Variants in ZBTB16 observed in about 807,000 individuals in gnomAD.
The protein encoded by ZBTB16 is zinc finger and BTB domain containing 16.
ZBTB16 carries 8 observed loss-of-function variants against 56.8 expected under a neutral mutation model. The ratio of observed to expected loss-of-function variants is 0.14; its 90% CI spans 0.08 to 0.25. ZBTB16 has a LOEUF of 0.25. ZBTB16 is among the 10% of genes least tolerant of loss of function. The pLI, the probability that ZBTB16 is intolerant of heterozygous loss-of-function variation, is 1.00. For synonymous variants in ZBTB16, 363 were observed against 368.5 expected (o/e 0.98, Z 0.17); for missense variants, 625 against 903.0 (o/e 0.69, Z 3.95).
chr11:114,145,419 C>G (rs952172980), intron 2 of ZBTB16, among the ~76,000 whole-genome samples: 1 of 152,208 alleles, frequency 6.6e-6, no homozygotes, highest in Non-Finnish European at 1.5e-5. Flanking sequence ...AACCAAATGT[C>G]CATCAGCTGA....
At position 114,247,179 on chromosome 11, in the gene ZBTB16, C is replaced by T; in HGVS notation, c.1625-19C>T. ...GGCAGGGAGAGGCAAAGGCCTGATCCAGCCCCTTGTCTCCACAGGCGACCA... is the reference window on the plus strand; with the variant it reads ...GGCAGGGAGAGGCAAAGGCCTGATCTAGCCCCTTGTCTCCACAGGCGACCA... On this transcript the variant is annotated intron_variant, in intron 5 of 6. Coordinates refer to ENST00000335953, the MANE Select transcript of ZBTB16 (RefSeq NM_006006.6). 1 of 1,614,248 alleles carries T rather than the reference C, an allele frequency of 6.2e-7. No individual in the cohort carries two copies. The highest frequency in any genetic ancestry group is 1.3e-5 in the African/African-American group (1 of 75,070).
At chr11:114,173,088 A>G (rs1943012718) in intron 3 of ZBTB16, among the ~76,000 whole-genome samples, 1 of 152,192 alleles carries the variant, frequency 6.6e-6, no homozygotes, top group South Asian at 2.1e-4. Context: ...AGCCTGAGCC[A>G]CAATTAAGGT....
At chr11:114,110,225 C>A (rs575185935) in intron 2 of ZBTB16, among the ~76,000 whole-genome samples, 1 of 152,126 alleles carries the variant, frequency 6.6e-6, no homozygotes, top group Admixed American at 6.5e-5. Flanking sequence ...CTCAGACTTT[C>A]TTGGAGATGT....
At chr11:114,066,563 T>C (rs1939125608) in intron 2 of ZBTB16, among the ~76,000 whole-genome samples, 1 of 152,140 alleles carries the variant, frequency 6.6e-6, no homozygotes, top group African/African-American at 2.4e-5. Flanking sequence ...TCCTGGTTGC[T>C]TTTCTTTACC....
rs570528187 is a variant in ZBTB16, at chr11:114,060,206, C to A, written c.-91+324C>A. On this transcript the variant is annotated intron_variant, in intron 1 of 6. Transcript: ENST00000335953. The surrounding 1 kb of genome is among the most constrained non-coding windows in gnomAD (Gnocchi z 6.0). Reference sequence around the variant, plus strand: ...GGCGTGAGCAGAGGGGTCGGGGATCCGGAGGCTTTGTACCGCCAGGGGCTG... The same window carrying A: ...GGCGTGAGCAGAGGGGTCGGGGATCAGGAGGCTTTGTACCGCCAGGGGCTG... 87 of 164,514 alleles carry A rather than the reference C, an allele frequency of 5.3e-4. No individual in the cohort carries two copies. Among genetic ancestry groups the A allele is most frequent in the Non-Finnish European group, 9.5e-4 (73 of 76,530 alleles). 10.2% of individuals were successfully genotyped at this position (164,514 alleles called of 1,614,324 possible).
At chr11:114,123,144 T>C (rs1245118468) in intron 2 of ZBTB16, among the ~76,000 whole-genome samples, 1 of 152,196 alleles carries the variant, frequency 6.6e-6, no homozygotes, top group African/African-American at 2.4e-5. Flanking sequence ...GGACCGCATT[T>C]AACCTTAATT....
Position 114,243,853 on chromosome 11 carries a change from C to G in ZBTB16, c.1624+1516C>G, listed in dbSNP as rs185105222. 4.8e-4 allele frequency among the ~76,000 whole-genome samples: 73 copies of G among 152,332 alleles called. 1 individual carries two copies. Among genetic ancestry groups the G allele is most frequent in the African/African-American group, 1.7e-3 (72 of 41,582 alleles). ...AAATCCACCCAGGATGTGCCCTGCT[C>G]TGACCATGCCACCTTCTCAGAGCTC... On this transcript the variant is annotated intron_variant, in intron 5 of 6. Coordinates refer to ENST00000335953, the MANE Select transcript of ZBTB16 (RefSeq NM_006006.6).
At chr11:114,173,401 G>T (rs1367109498) in intron 3 of ZBTB16, among the ~76,000 whole-genome samples, 2 of 152,206 alleles carry the variant, frequency 1.3e-5, no homozygotes, top group African/African-American at 4.8e-5. Flanking sequence ...GATGGGGATG[G>T]TGGGTGTTGT....
intron 3 of ZBTB16, among the ~76,000 whole-genome samples, chr11:114,167,216 GTTTTTTTTTTTTTTGGTTTTTTTTT>G (rs1360616824): frequency 2.5e-5 from 2 of 79,940 alleles, no homozygotes; most frequent in African/African-American, 4.4e-5. Flanking sequence ...TGGATTTGTG[GTTTTTTTTTTTTTTGGTTTTTTTTT>G]TTTTTTTTTT....
chr11:114,221,119 A>G (rs421535), intron 4 of ZBTB16, among the ~76,000 whole-genome samples: 57,318 of 152,144 alleles, frequency 0.38, 11,278 homozygotes, highest in Middle Eastern at 0.52. Context: ...AGGCTGTGCT[A>G]GTTCCTTTTC....
At chr11:114,240,988 T>C (rs1000310072) in intron 4 of ZBTB16, among the ~76,000 whole-genome samples, 14 of 152,180 alleles carry the variant, frequency 9.2e-5, no homozygotes, top group African/African-American at 3.1e-4. Flanking sequence ...CATTCCTCTG[T>C]CTGATCCTCC....
intron 4 of ZBTB16, 119 bp downstream of exon 4, chr11:114,187,157 G>A (rs550470248): frequency 6.7e-5 from 65 of 970,964 alleles, no homozygotes; most frequent in South Asian, 2.3e-4. Context: ...TTTCCTGGGC[G>A]AGCTGTGAGT....
At chr11:114,124,461 T>G (rs1277885122) in intron 2 of ZBTB16, among the ~76,000 whole-genome samples, 2 of 149,440 alleles carry the variant, frequency 1.3e-5, no homozygotes, top group African/African-American at 4.9e-5. Context: ...AGAATTGAGG[T>G]GTTCTGGAAT....
chr11:114,177,904 A>C (rs529369363), intron 3 of ZBTB16, among the ~76,000 whole-genome samples: 26 of 152,304 alleles, frequency 1.7e-4, no homozygotes, highest in African/African-American at 6.0e-4. Context: ...ATCTGCAACA[A>C]ATTTACTATC....
rs1943384330 is a variant in ZBTB16 at position 114,187,327 on chromosome 11, A to G, written c.1453+289A>G. 6.0e-6 allele frequency: 3 copies of G among 503,344 alleles called. No individual in the cohort carries two copies. The Admixed American group carries it at 9.7e-5, about 16-fold the overall frequency. The allele number at this position is 503,344 out of a possible 1,614,324, so 31.2% of individuals were successfully genotyped here. A position where few individuals can be genotyped will look rare whatever the true frequency, so the allele number is the denominator to read the frequency against. ...GCTCATGTTCTTGGAGGTATCTAGT[A>G]TGCTCTTGTTGAGGCCTTAGTCTGT... On this transcript the variant is annotated intron_variant, in intron 4 of 6. Coordinates refer to ENST00000335953, the MANE Select transcript of ZBTB16 (RefSeq NM_006006.6).
At chr11:114,161,542 T>G (rs1942589794) in intron 3 of ZBTB16, among the ~76,000 whole-genome samples, 1 of 151,476 alleles carries the variant, frequency 6.6e-6, no homozygotes, top group Admixed American at 6.6e-5. Context: ...AGTAGGAGAG[T>G]GTTTTGTGCC....
intron 4 of ZBTB16, among the ~76,000 whole-genome samples, chr11:114,207,956 C>A (rs1943920299): frequency 6.6e-6 from 1 of 152,202 alleles, no homozygotes; most frequent in Non-Finnish European, 1.5e-5. Context: ...ACTCTGTTGG[C>A]CCGGCTTGTC....
intron 2 of ZBTB16, among the ~76,000 whole-genome samples, chr11:114,148,110 C>T (rs1188724563): frequency 6.6e-6 from 1 of 152,224 alleles, no homozygotes; most frequent in East Asian, 1.9e-4. Flanking sequence ...TGAGCAGTTG[C>T]TGCAGGGAGA....
chr11:114,098,146 A>G (rs1460180862), intron 2 of ZBTB16, among the ~76,000 whole-genome samples: 1 of 152,126 alleles, frequency 6.6e-6, no homozygotes, highest in African/African-American at 2.4e-5. Context: ...TCACATGAAA[A>G]TTTAAAGACC....
Sources: allele counts gnomAD v4.1 joint callset (sites outside exome capture counted in the v4.1 genomes callset), GRCh38; gene constraint gnomAD v4.1.1; non-coding constraint Gnocchi (gnomAD v3.1); transcripts MANE v1.5; gene names NCBI Gene and HGNC (gene_info 2026-07-23, HGNC 2026-07-21).